Variants in FILIP1 observed in about 807,000 individuals in gnomAD.
FILIP1 encodes the protein filamin A interacting protein 1.
FILIP1 carries 61 observed loss-of-function variants against 102.1 expected under a neutral mutation model. That is an observed-to-expected ratio of 0.60 (90% confidence interval 0.49 to 0.74). The LOEUF is 0.74. Ranked by LOEUF, FILIP1 falls within the 30% of genes least tolerant of loss-of-function variation. FILIP1 has a pLI of 0.00. For synonymous variants in FILIP1, 491 were observed against 526.9 expected, an observed-to-expected ratio of 0.93 and a Z score of 0.93; for missense variants, 1,314 against 1,441.2, an observed-to-expected ratio of 0.91 and a Z score of 1.43.
intron 3 of FILIP1, among the ~76,000 whole-genome samples, chr6:75,361,275 T>C (rs1358930176): frequency 1.3e-5 from 2 of 152,196 alleles, no homozygotes; most frequent in Non-Finnish European, 2.9e-5. Context: ...CTCCCCTCTC[T>C]GTGTTCAGCC....
intron 1 of FILIP1, among the ~76,000 whole-genome samples, chr6:75,465,881 T>C (rs781133958): frequency 6.6e-6 from 1 of 152,334 alleles, no homozygotes; most frequent in African/African-American, 2.4e-5. Flanking sequence ...TCTACAAGAC[T>C]CTGCTTGTTG....
At chr6:75,469,176 C>T (rs1309758008) in intron 1 of FILIP1, among the ~76,000 whole-genome samples, 1 of 151,886 alleles carries the variant, frequency 6.6e-6, no homozygotes, top group African/African-American at 2.4e-5. Context: ...GTAGAATAAA[C>T]TTCCAAATTA....
At chr6:75,310,186 C>T (rs748836478) in intron 5 of FILIP1, among the ~76,000 whole-genome samples, 32 of 152,262 alleles carry the variant, frequency 2.1e-4, no homozygotes, top group Non-Finnish European at 3.8e-4. Flanking sequence ...TGCCTTCGCA[C>T]ATGCTGTTCT....
At chr6:75,341,475 G>A (rs1223685245) in intron 4 of FILIP1, among the ~76,000 whole-genome samples, 1 of 152,006 alleles carries the variant, frequency 6.6e-6, no homozygotes, top group African/African-American at 2.4e-5. Flanking sequence ...TCTTTATGAT[G>A]TTGAGTCCTC....
intron 1 of FILIP1, among the ~76,000 whole-genome samples, chr6:75,428,145 T>C (rs1185578992): frequency 3.3e-5 from 5 of 152,168 alleles, no homozygotes; most frequent in African/African-American, 1.2e-4. Context: ...AAATCCCCTT[T>C]TCTTTGCTAA....
At chr6:75,326,764 A>G (rs1443048822) in intron 4 of FILIP1, among the ~76,000 whole-genome samples, 2 of 152,236 alleles carry the variant, frequency 1.3e-5, no homozygotes, top group Non-Finnish European at 2.9e-5. Context: ...CTGTGCTTTC[A>G]TAACAATGCT....
At chr6:75,457,697 G>T (rs192722001) in intron 1 of FILIP1, among the ~76,000 whole-genome samples, 22 of 151,710 alleles carry the variant, frequency 1.5e-4, no homozygotes, top group Non-Finnish European at 2.9e-5. Flanking sequence ...TTCTCAGAGA[G>T]AAATCAGCAG....
At chr6:75,430,176 G>A (rs1279225412) in intron 1 of FILIP1, among the ~76,000 whole-genome samples, 1 of 152,122 alleles carries the variant, frequency 6.6e-6, no homozygotes, top group African/African-American at 2.4e-5. Context: ...TCTCTCTCCT[G>A]CTGCCATGTA....
chr6:75,358,247 T>C (rs894401768), intron 3 of FILIP1: 2 of 152,094 alleles, frequency 1.3e-5, no homozygotes, highest in African/African-American at 4.8e-5. Context: ...TGGAGAAGTA[T>C]TAAGGAATTG....
chr6:75,475,182 T>A (rs1477223893), intron 1 of FILIP1, among the ~76,000 whole-genome samples: 1 of 152,222 alleles, frequency 6.6e-6, no homozygotes, highest in Non-Finnish European at 1.5e-5. Context: ...ATAATTAAAA[T>A]TTTTCAATAA....
chr6:75,457,612 GTC>G (rs68150078), intron 1 of FILIP1, among the ~76,000 whole-genome samples: 47,046 of 142,236 alleles, frequency 0.33, 7,725 homozygotes, highest in Middle Eastern at 0.44. Context: ...TTCAAACAAA[GTC>G]TCTCTCTCTC....
intron 2 of FILIP1, among the ~76,000 whole-genome samples, chr6:75,367,968 G>T (rs1775394528): frequency 6.6e-6 from 1 of 152,116 alleles, no homozygotes; most frequent in South Asian, 2.1e-4. Flanking sequence ...CTGCAAAATA[G>T]ACCACTATAT....
chr6:75,340,800 A>G (rs1245285886), intron 4 of FILIP1, among the ~76,000 whole-genome samples: 2 of 150,824 alleles, frequency 1.3e-5, no homozygotes, highest in East Asian at 3.9e-4. Context: ...GGTTCAAGCA[A>G]TTCTCCTATC....
intron 3 of FILIP1, among the ~76,000 whole-genome samples, chr6:75,354,676 A>G (rs1274739357): frequency 6.6e-6 from 1 of 151,600 alleles, no homozygotes; most frequent in African/African-American, 2.4e-5. Flanking sequence ...ACACTTTTTC[A>G]TTTGTTTATT....
downstream of FILIP1, among the ~76,000 whole-genome samples, chr6:75,303,385 A>G (rs1157302588): frequency 2.6e-5 from 4 of 152,228 alleles, no homozygotes; most frequent in African/African-American, 7.2e-5. Flanking sequence ...TGTGGGAAAC[A>G]TCAATCCTTA....
chr6:75,359,024 A>G (rs545444911), intron 3 of FILIP1, among the ~76,000 whole-genome samples: 1 of 149,154 alleles, frequency 6.7e-6, no homozygotes, highest in Admixed American at 6.7e-5. Context: ...TATTTTTGAG[A>G]AAGAGTCTTG....
intron 3 of FILIP1, chr6:75,358,734 T>C (rs1419099956): frequency 2.6e-5 from 4 of 151,494 alleles, no homozygotes; most frequent in African/African-American, 7.3e-5. Context: ...TTAATTTTTA[T>C]TTTTTTGAGA....
At chr6:75,327,492 A>G (rs1773904958) in intron 4 of FILIP1, among the ~76,000 whole-genome samples, 1 of 151,656 alleles carries the variant, frequency 6.6e-6, no homozygotes, top group African/African-American at 2.4e-5. Context: ...AACACAGGAA[A>G]CAGGTAGGGC....
chr6:75,439,861 G>A (rs1461923651), intron 1 of FILIP1, among the ~76,000 whole-genome samples: 1 of 152,156 alleles, frequency 6.6e-6, no homozygotes, highest in Non-Finnish European at 1.5e-5. Flanking sequence ...CAATTAAAGA[G>A]GGAAAATAAA....
Sources: allele counts gnomAD v4.1 joint callset (sites outside exome capture counted in the v4.1 genomes callset), GRCh38; gene constraint gnomAD v4.1.1; transcripts MANE v1.5; gene names NCBI Gene and HGNC (gene_info 2026-07-23, HGNC 2026-07-21).